The following MEGF8 variants were observed in gnomAD, a reference collection of about 807,000 sequenced individuals.
MEGF8 encodes multiple EGF like domains 8.
In MEGF8, 156 loss-of-function variants were observed where a neutral mutation model predicts 302.9. That is an observed-to-expected ratio of 0.52 (90% CI 0.45 to 0.59). MEGF8 has a LOEUF of 0.59. Ranked by LOEUF, MEGF8 falls within the 20% of genes least tolerant of loss-of-function variation. MEGF8 has a pLI of 0.00. For synonymous variants in MEGF8, 1,621 were observed against 1,660.5 expected (o/e 0.98, Z 0.58); for missense variants, 3,345 against 3,964.5 (o/e 0.84, Z 4.20).
rs1600063313 is a variant in MEGF8 at position 42,360,837 on chromosome 19, A to G, written c.5551A>G (p.Ser1851Gly). ...GGCCCATGCTGTGGCAGCAGTCGGG[A>G]GCCGCCTGTATATCTCTGGGGGTTT... Reference protein sequence around the residue: ...SVAHAVAAVGSRLYISGGFGG... With the variant: ...SVAHAVAAVGGRLYISGGFGG... Residue 1851 changes from serine (S) to glycine (G), a missense_variant, in exon 32 of 42, where the codon AGC becomes GGC. By Grantham distance (56) the Ser-to-Gly change is moderately conservative. Transcript: ENST00000251268. The G allele has an allele frequency of 6.2e-7, 1 of 1,610,722 alleles. No individual in the cohort carries two copies.
chr19:42,346,938 T>C (rs1222727037), intron 12 of MEGF8, among the ~76,000 whole-genome samples: 9 of 135,178 alleles, frequency 6.7e-5, no homozygotes, highest in Middle Eastern at 5.1e-3. Context: ...TCAGCTGAGA[T>C]CATGTCACTG....
Position 42,376,337 on chromosome 19 carries a change from C to G in MEGF8, c.8100C>G (p.Val2700=). The G allele has an allele frequency of 6.2e-7, 1 of 1,613,662 alleles. No homozygotes were observed. The highest frequency in any genetic ancestry group is 1.1e-5 in the South Asian group (1 of 91,092). ...TGGCCAGCCGCCCCTTCGCCAAGGT[C>G]ACCGTCTGCTTCCCACCTGACCCTA... The part of the protein sequence containing the change: ...TKMASRPFAK[V]TVCFPPDPTA... Residue 2700 remains valine, a synonymous_variant, in exon 42 of 42, where the codon GTC becomes GTG. Coordinates refer to ENST00000251268, the MANE Select transcript of MEGF8 (RefSeq NM_001271938.2). This position sits in a 1 kb window ranked among gnomAD's most constrained non-coding sequence, Gnocchi z 8.2.
chr19:42,344,427 T>A lies in MEGF8; in HGVS notation c.1789-14T>A, dbSNP rs1396881932. On this transcript the variant is annotated splice_polypyrimidine_tract_variant and intron_variant, in intron 10 of 41. Coordinates refer to ENST00000251268, the MANE Select transcript of MEGF8 (RefSeq NM_001271938.2). This position sits in a 1 kb window ranked among gnomAD's most constrained non-coding sequence, Gnocchi z 4.5. ...CCAGTTGACAGTGAGCCCTTTCCCC[T>A]CTCCTCCTCGCAGTGTCCAGCCGCC... is the stretch of plus-strand genomic sequence containing the variant. The A allele has an allele frequency of 1.3e-6, 2 of 1,570,512 alleles. No individual in the cohort carries two copies. Among genetic ancestry groups the A allele is most frequent in the African/African-American group, 1.3e-5 (1 of 74,170 alleles).
intron 41 of MEGF8, among the ~76,000 whole-genome samples, chr19:42,374,951 A>G (rs2039744444): frequency 6.6e-6 from 1 of 152,142 alleles, no homozygotes; most frequent in African/African-American, 2.4e-5. Flanking sequence ...GTGACAGGAG[A>G]ACCATGCAGG....
rs2147480881 is a variant in MEGF8, at chr19:42,354,011, G to A, written c.3998G>A (p.Ser1333Asn). The A allele has an allele frequency of 1.3e-6, 2 of 1,585,900 alleles. No homozygotes were observed. Among genetic ancestry groups the A allele is most frequent in the Non-Finnish European group, 8.6e-7 (1 of 1,166,908 alleles). Reference protein sequence around the residue: ...PLTLTFSPDSSTPCTLSYVLA... With the variant: ...PLTLTFSPDSNTPCTLSYVLA... ...ACCCTCACCTTCTCCCCCGACAGCA[G>A]CACCCCCTGCACGGTGAGCACTGAG... Residue 1333 changes from serine (S) to asparagine (N), a missense_variant, in exon 22 of 42, where the codon AGC (serine) becomes AAC (asparagine). Physicochemically the swap from Ser to Asn is conservative, Grantham distance 46 (BLOSUM62 1). Transcript: ENST00000251268. The surrounding 1 kb of genome is among the most constrained non-coding windows in gnomAD (Gnocchi z 4.3).
In MEGF8 at chr19:42,353,320, T is replaced by C; in HGVS notation, c.3551-145T>C. 2 of 1,102,626 alleles carry C rather than the reference T, an allele frequency of 1.8e-6. No individual in the cohort carries two copies. The highest frequency in any genetic ancestry group is 2.6e-6 in the Non-Finnish European group (2 of 777,840). The allele number at this position is 1,102,626 out of a possible 1,614,324, so 68.3% of individuals were successfully genotyped here. ...TCTGGTTGGGCTTCAGTTCCCCCTC[T>C]TGGGACTTGCTGTTTCCCCTGATCT... On this transcript the variant is annotated intron_variant, in intron 20 of 41. Coordinates refer to ENST00000251268, the MANE Select transcript of MEGF8 (RefSeq NM_001271938.2). This position sits in a 1 kb window ranked among gnomAD's most constrained non-coding sequence, Gnocchi z 6.1.
At position 42,370,843 on chromosome 19, in the gene MEGF8, CGGGGGGGGGGGGGGGGGGGGG is replaced by C. The variant is rs748624378; in HGVS notation, c.7136+21_7136+41del. 40 of 132,370 alleles carry C rather than the reference CGGGGGGGGGGGGGGGGGGGGG, an allele frequency of 3.0e-4. 8 individuals are homozygous for C. Among genetic ancestry groups the C allele is most frequent in the Middle Eastern group, 1.5e-3 (1 of 664 alleles). The allele number at this position is 132,370 out of a possible 1,614,324, so 8.2% of individuals were successfully genotyped here. ...GGGAAGTGCACCAAGTAAGAGGAAC[CGGGGGGGGGGGGGGGGGGGGG>C]GGGGGGGGAGGCCGGGGATCCCACC... On this transcript the variant is annotated intron_variant, in intron 40 of 41. Transcript: ENST00000251268.
rs2039398136 is a variant in MEGF8 at position 42,352,967 on chromosome 19, C to T, written c.3390C>T (p.Pro1130=). The T allele has an allele frequency of 6.2e-7, 1 of 1,601,542 alleles. No individual in the cohort carries two copies. The highest frequency in any genetic ancestry group is 8.5e-7 in the Non-Finnish European group (1 of 1,174,898). ...EDCGHGVCSG[P]PDFTCVCDLG... ...GTGGCCATGGTGTGTGCAGTGGCCC[C>T]CCGGACTTTACCTGCGTGTGTGACC... is the stretch of plus-strand genomic sequence containing the variant. Residue 1130 remains proline, a synonymous_variant, in exon 20 of 42, where the codon CCC becomes CCT. Transcript: ENST00000251268. The surrounding 1 kb of genome is among the most constrained non-coding windows in gnomAD (Gnocchi z 4.4).
chr19:42,334,320 C>A, intron 3 of MEGF8, 107 bp downstream of exon 3: 1 of 1,057,934 alleles, frequency 9.5e-7, no homozygotes, highest in Non-Finnish European at 1.3e-6. Context: ...CTCCCCCCAC[C>A]ACCCCACCCT....
intron 1 of MEGF8, among the ~76,000 whole-genome samples, chr19:42,329,525 A>T (rs927000014): frequency 9.2e-5 from 14 of 152,160 alleles, no homozygotes; most frequent in Admixed American, 8.5e-4. Flanking sequence ...AATGCCTGTC[A>T]CTTCTTACCT....
intron 1 of MEGF8, among the ~76,000 whole-genome samples, chr19:42,330,215 G>A (rs1236176525): frequency 2.6e-5 from 4 of 152,120 alleles, no homozygotes; most frequent in Non-Finnish European, 2.9e-5. Flanking sequence ...GAGCCACCAC[G>A]CCCAGCCCAG....
Position 42,368,418 on chromosome 19 carries a change from C to G in MEGF8, c.6274-37C>G. On this transcript the variant is annotated intron_variant, in intron 35 of 41. Coordinates refer to ENST00000251268, the MANE Select transcript of MEGF8 (RefSeq NM_001271938.2). This position sits in a 1 kb window ranked among gnomAD's most constrained non-coding sequence, Gnocchi z 4.9. ...TGTTTAAGCTTATTTCCCCATCTCT[C>G]TCTTCCCTGCATCCCCATCCCCTCC... is the stretch of plus-strand genomic sequence containing the variant. 6.6e-7 allele frequency: 1 copy of G among 1,506,608 alleles called. No homozygotes were observed. The allele number at this position is 1,506,608 out of a possible 1,614,324, so 93.3% of individuals were successfully genotyped here.
chr19:42,356,037 C>T lies in MEGF8; in HGVS notation c.4392+32C>T. ...GTGGGAGAGGGCAAGTCTGGTGGGACAGGGCTGGTGATCAGGGCTCCCCTG... is the reference window on the plus strand; with the variant it reads ...GTGGGAGAGGGCAAGTCTGGTGGGATAGGGCTGGTGATCAGGGCTCCCCTG... On this transcript the variant is annotated intron_variant, in intron 24 of 41. Coordinates refer to ENST00000251268, the MANE Select transcript of MEGF8 (RefSeq NM_001271938.2). This position sits in a 1 kb window ranked among gnomAD's most constrained non-coding sequence, Gnocchi z 5.2. The T allele has an allele frequency of 6.2e-7, 1 of 1,603,350 alleles. No individual in the cohort carries two copies. The highest frequency in any genetic ancestry group is 8.5e-7 in the Non-Finnish European group (1 of 1,172,512).
Position 42,353,576 on chromosome 19 carries a change from G to A in MEGF8, c.3662G>A (p.Arg1221His), listed in dbSNP as rs375618779. 5.6e-5 allele frequency: 89 copies of A among 1,599,236 alleles called. No individual in the cohort carries two copies. Among genetic ancestry groups the A allele is most frequent in the South Asian group, 7.9e-5 (7 of 89,122 alleles). ...CQCNGHGDPR[R>H]GHCDNLSGLC... The stretch of plus-strand genomic sequence containing the variant: ...TGCAACGGGCACGGGGACCCACGCC[G>A]TGGCCACTGCGACAACCTCAGTGGG... Residue 1221 changes from arginine (R) to histidine (H), a missense_variant, in exon 21 of 42, where the codon CGT becomes CAT. By Grantham distance (29) the Arg-to-His change is conservative. Transcript: ENST00000251268. The surrounding 1 kb of genome is among the most constrained non-coding windows in gnomAD (Gnocchi z 6.1).
In MEGF8 at chr19:42,369,672, C is replaced by T. The variant is rs758601040; in HGVS notation, c.6783C>T (p.Cys2261=). 5 of 1,612,740 alleles carry T rather than the reference C, an allele frequency of 3.1e-6. No homozygotes were observed. The highest frequency in any genetic ancestry group is 1.7e-5 in the Admixed American group (1 of 59,972). The part of the protein sequence containing the change: ...TECRCNRHSE[C]AGVGARDHCL... ...GCCGCTGCAACCGCCACAGTGAATG[C>T]GCTGGTGTTGGGGCGCGTGACCACT... The change falls in exon 38 of 42, where the codon TGC becomes TGT. Residue 2261 remains cysteine (C), a synonymous_variant. Coordinates refer to ENST00000251268, the MANE Select transcript of MEGF8 (RefSeq NM_001271938.2). This position sits in a 1 kb window ranked among gnomAD's most constrained non-coding sequence, Gnocchi z 5.7.
intron 8 of MEGF8, among the ~76,000 whole-genome samples, chr19:42,338,053 A>C (rs1252486948): frequency 6.7e-6 from 1 of 149,474 alleles, no homozygotes; most frequent in Non-Finnish European, 1.5e-5. Flanking sequence ...TGATCCTCCC[A>C]CGTCAGCCTC....
chr19:42,349,390 CTCT>C (rs756087371), intron 13 of MEGF8, 106 bp from the exon 14 acceptor site: 32 of 960,686 alleles, frequency 3.3e-5, no homozygotes, highest in Non-Finnish European at 4.9e-5. Flanking sequence ...CTCTGAGGCC[CTCT>C]TCTTAGGAGG....
intron 1 of MEGF8, among the ~76,000 whole-genome samples, chr19:42,330,949 C>G (rs577886266): frequency 2.8e-4 from 43 of 152,298 alleles, no homozygotes; most frequent in Non-Finnish European, 1.5e-5. Flanking sequence ...AGGGTCTGAA[C>G]AGCAGGTTAG....
chr19:42,366,319 GC>G (rs1464900970), intron 35 of MEGF8, among the ~76,000 whole-genome samples: 1 of 152,052 alleles, frequency 6.6e-6, no homozygotes, highest in African/African-American at 2.4e-5. Context: ...TCCTGCTTCA[GC>G]CTCCCAAGCA....
Sources: allele counts gnomAD v4.1 joint callset (sites outside exome capture counted in the v4.1 genomes callset), GRCh38; gene constraint gnomAD v4.1.1; non-coding constraint Gnocchi (gnomAD v3.1); transcripts MANE v1.5; gene names NCBI Gene and HGNC (gene_info 2026-07-23, HGNC 2026-07-21).